ZNF341: variants seen among roughly 807,000 people sequenced by gnomAD.
The protein encoded by ZNF341 is zinc finger protein 341.
A neutral mutation model predicts 87.7 loss-of-function variants in ZNF341; 52 were observed. The ratio of observed to expected loss-of-function variants is 0.59; its 90% CI spans 0.47 to 0.75. The LOEUF is 0.75. Ranked by LOEUF, ZNF341 falls within the 30% of genes least tolerant of loss-of-function variation. The pLI, the probability that ZNF341 is intolerant of heterozygous loss-of-function variation, is 0.00. For synonymous variants in ZNF341, 459 were observed against 472.7 expected (o/e 0.97, Z 0.38); for missense variants, 977 against 1,145.9 (o/e 0.85, Z 2.13).
At chr20:33,734,359 A>G (rs2018636884) in intron 1 of ZNF341, among the ~76,000 whole-genome samples, 1 of 152,116 alleles carries the variant, frequency 6.6e-6, no homozygotes, top group Non-Finnish European at 1.5e-5. Context: ...TGTATGTTTT[A>G]TAAAGTTCAC....
intron 10 of ZNF341, among the ~76,000 whole-genome samples, 160 bp downstream of exon 10, chr20:33,770,452 GGGCTTT>G (rs1180279306): frequency 6.6e-6 from 1 of 152,058 alleles, no homozygotes; most frequent in Non-Finnish European, 1.5e-5. Context: ...AGTGGGTTCT[GGGCTTT>G]GGCACTGGTG....
Position 33,749,088 on chromosome 20 carries a change from C to T in ZNF341, c.489+16C>T, listed in dbSNP as rs79173873. 7,900 of 1,608,600 alleles carry T rather than the reference C, an allele frequency of 4.9e-3. 309 individuals carry two copies. The African/African-American group carries it at 0.087, about 18-fold the overall frequency. ...ACCTGTGCAGGTAAGAAGGTGTGGG[C>T]TTCTCACAGGGTCTTGATTCCAGAC... On this transcript the variant is annotated intron_variant, in intron 4 of 14. Coordinates refer to ENST00000375200, the MANE Select transcript of ZNF341 (RefSeq NM_001282933.2).
At chr20:33,744,103 T>G (rs2018866143) in intron 2 of ZNF341, among the ~76,000 whole-genome samples, 1 of 152,026 alleles carries the variant, frequency 6.6e-6, no homozygotes, top group Non-Finnish European at 1.5e-5. Context: ...GTCAACGTGG[T>G]GAAACCCCGT....
At position 33,759,274 on chromosome 20, in the gene ZNF341, T is replaced by G. The variant is rs530336468; in HGVS notation, c.1028+468T>G. ...CTTGTTCATTTCTCACACAGTGAAA[T>G]GCACTGGTACATGAGATGATTTTTT... On this transcript the variant is annotated intron_variant, in intron 7 of 14. Coordinates refer to ENST00000375200, the MANE Select transcript of ZNF341 (RefSeq NM_001282933.2). 1.3e-3 allele frequency among the ~76,000 whole-genome samples: 192 copies of G among 152,316 alleles called. 5 individuals are homozygous for G. Among genetic ancestry groups the G allele is most frequent in the South Asian group, 2.1e-3 (10 of 4,826 alleles).
intron 12 of ZNF341, among the ~76,000 whole-genome samples, chr20:33,784,267 C>A (rs868487849): frequency 4.4e-5 from 1 of 22,894 alleles, no homozygotes; most frequent in Non-Finnish European, 9.1e-5. Flanking sequence ...CTCTCTCCCC[C>A]CCATCTCCCT....
At chr20:33,754,630 G>A (rs1046374969) in intron 5 of ZNF341, among the ~76,000 whole-genome samples, 4 of 152,216 alleles carry the variant, frequency 2.6e-5, no homozygotes, top group Admixed American at 1.3e-4. Context: ...GATAATGCTG[G>A]TGGCTTGTGG....
chr20:33,750,114 T>A (rs1463113887), intron 4 of ZNF341, among the ~76,000 whole-genome samples: 1 of 152,154 alleles, frequency 6.6e-6, no homozygotes, highest in Non-Finnish European at 1.5e-5. Context: ...AGTAGCTCCC[T>A]GGGATTTAAA....
At chr20:33,757,824 C>T (rs976273516) in intron 6 of ZNF341, among the ~76,000 whole-genome samples, 3 of 152,176 alleles carry the variant, frequency 2.0e-5, no homozygotes, top group African/African-American at 7.2e-5. Context: ...TGGGAAGTGT[C>T]TATTTTGGCT....
At position 33,788,989 on chromosome 20, in the gene ZNF341, C is replaced by T; in HGVS notation, c.1964+15C>T. 6.2e-7 allele frequency: 1 copy of T among 1,600,008 alleles called. No homozygotes were observed. Among genetic ancestry groups the T allele is most frequent in the Non-Finnish European group, 8.6e-7 (1 of 1,167,696 alleles). ...TGCCCTTTCTCGTGAGTAGAGACTGCCATGCAGGGGGGTGGGTAGCGGGAC... is the reference window on the plus strand; with the variant it reads ...TGCCCTTTCTCGTGAGTAGAGACTGTCATGCAGGGGGGTGGGTAGCGGGAC... On this transcript the variant is annotated intron_variant, in intron 13 of 14. Coordinates refer to ENST00000375200, the MANE Select transcript of ZNF341 (RefSeq NM_001282933.2).
chr20:33,764,525 ATGTGTGTGTG>A (rs540983227), intron 8 of ZNF341, among the ~76,000 whole-genome samples: 1 of 118,948 alleles, frequency 8.4e-6, no homozygotes, highest in African/African-American at 3.2e-5. Flanking sequence ...ATGTATATAT[ATGTGTGTGTG>A]TGTATGTGTA....
rs1231637629 is a variant in ZNF341, at chr20:33,745,283, C to T, written c.323C>T (p.Thr108Ile). ...CCCACAGCGGTCCAGCAGGCCCCAA[C>T]TCCTGCCAATCGCCAGGTATTTGTT... The part of the protein sequence containing the change: ...AAPTAVQQAP[T>I]PANRQISTYI... The change falls in exon 3 of 15, where the codon ACT (threonine) becomes ATT (isoleucine). Residue 108 changes from threonine (T) to isoleucine (I), a missense_variant. By Grantham distance (89) the Thr-to-Ile change is moderately conservative. Transcript: ENST00000375200. The T allele has an allele frequency of 2.5e-6, 4 of 1,612,384 alleles. No individual in the cohort carries two copies. In the South Asian group the frequency reaches 3.3e-5, roughly 13 times the overall value.
rs2122614921 is a variant in ZNF341, at chr20:33,732,656, C to CT, written c.31+605dup. Reference sequence around the variant, plus strand: ...GGCCGGTGCAGTTTTACAAATTAAACTGACACCGTGGGTGCTGGCGCGGTG... The same window carrying CT: ...GGCCGGTGCAGTTTTACAAATTAAACTTGACACCGTGGGTGCTGGCGCGGTG... On this transcript the variant is annotated intron_variant, in intron 1 of 14. Coordinates refer to ENST00000375200, the MANE Select transcript of ZNF341 (RefSeq NM_001282933.2). The surrounding 1 kb of genome is among the most constrained non-coding windows in gnomAD (Gnocchi z 4.5). Among the ~76,000 whole-genome samples the CT allele has an allele frequency of 6.6e-6, 1 of 152,346 alleles. No individual in the cohort carries two copies. Among genetic ancestry groups the CT allele is most frequent in the South Asian group, 2.1e-4 (1 of 4,830 alleles).
chr20:33,753,686 T>G (rs1361736603), intron 5 of ZNF341, among the ~76,000 whole-genome samples: 1 of 152,112 alleles, frequency 6.6e-6, no homozygotes, highest in Non-Finnish European at 1.5e-5. Context: ...TGCCTGCAGG[T>G]AATGCTCAGA....
rs754548303 is a variant in ZNF341 at position 33,766,926 on chromosome 20, C to T, written c.1298C>T (p.Pro433Leu). Reference sequence around the variant, plus strand: ...GCTGGTGAGGAAGAGGGGGACAAGCCGGAGTCCAAGCAGGTGGTCCTCATC... The same window carrying T: ...GCTGGTGAGGAAGAGGGGGACAAGCTGGAGTCCAAGCAGGTGGTCCTCATC... ...STAGEEEGDK[P>L]ESKQVVLIDS... Residue 433 changes from proline to leucine, a missense_variant, in exon 9 of 15, where the codon CCG becomes CTG. Physicochemically the swap from Pro to Leu is moderately conservative, Grantham distance 98 (BLOSUM62 -3). This residue lies in a region of ZNF341 where 515 missense variants were observed against 598.2 expected (regional missense o/e 0.86). Transcript: ENST00000375200. 73 of 1,614,052 alleles carry T rather than the reference C, an allele frequency of 4.5e-5. No individual in the cohort carries two copies. The highest frequency in any genetic ancestry group is 1.3e-4 in the South Asian group (12 of 91,080).
intron 4 of ZNF341, among the ~76,000 whole-genome samples, chr20:33,749,446 C>T (rs962380817): frequency 2.6e-5 from 4 of 152,140 alleles, no homozygotes; most frequent in Non-Finnish European, 4.4e-5. Flanking sequence ...GCATGTGCCA[C>T]CACAGCCAGC....
At chr20:33,778,115 C>T (rs2019664753) in intron 10 of ZNF341, among the ~76,000 whole-genome samples, 1 of 152,014 alleles carries the variant, frequency 6.6e-6, no homozygotes, top group Non-Finnish European at 1.5e-5. Flanking sequence ...TTTTAATTTT[C>T]CTGGCTATTG....
Position 33,770,171 on chromosome 20 carries a change from C to T in ZNF341, c.1501C>T (p.Leu501=). 1 of 1,614,180 alleles carries T rather than the reference C, an allele frequency of 6.2e-7. No individual in the cohort carries two copies. The highest frequency in any genetic ancestry group is 8.5e-7 in the Non-Finnish European group (1 of 1,180,018). The change falls in exon 10 of 15, where the codon CTG becomes TTG. Residue 501 remains leucine (L), a synonymous_variant. Coordinates refer to ENST00000375200, the MANE Select transcript of ZNF341 (RefSeq NM_001282933.2). ...GCACATCAAGAGCCACCAGGAGGAG[C>T]TGAGCTACCGCTGCCACCTCTGCGG... The part of the protein sequence containing the change: ...LEHIKSHQEE[L]SYRCHLCGKD...
chr20:33,753,228 T>A lies in ZNF341; in HGVS notation c.546T>A (p.Pro182=). 1 of 1,611,762 alleles carries A rather than the reference T, an allele frequency of 6.2e-7. No individual in the cohort carries two copies. The highest frequency in any genetic ancestry group is 8.5e-7 in the Non-Finnish European group (1 of 1,179,908). ...PSYLTQPPPP[P]PPPPPLPPPP... ...ACCTCACCCAGCCTCCACCTCCTCCTCCACCTCCTCCACCACTGCCCCCAC... is the reference window on the plus strand; with the variant it reads ...ACCTCACCCAGCCTCCACCTCCTCCACCACCTCCTCCACCACTGCCCCCAC... Residue 182 remains proline, a synonymous_variant, in exon 5 of 15, where the codon CCT becomes CCA. Transcript: ENST00000375200.
intron 1 of ZNF341, among the ~76,000 whole-genome samples, chr20:33,739,895 G>A (rs896226400): frequency 2.0e-5 from 3 of 151,904 alleles, no homozygotes; most frequent in East Asian, 1.9e-4. Flanking sequence ...ACAGAGTTTC[G>A]CTCTTGTTGC....
Sources: allele counts gnomAD v4.1 joint callset (sites outside exome capture counted in the v4.1 genomes callset), GRCh38; gene constraint gnomAD v4.1.1; regional missense constraint gnomAD v4.1.1; non-coding constraint Gnocchi (gnomAD v3.1); transcripts MANE v1.5; gene names NCBI Gene and HGNC (gene_info 2026-07-23, HGNC 2026-07-21).